The following HYDIN variants were observed in gnomAD, a reference collection of about 807,000 sequenced individuals.
HYDIN encodes the protein axonemal central pair apparatus protein HYDIN.
In HYDIN, 132 loss-of-function variants were observed where a neutral mutation model predicts 403.9. The ratio of observed to expected loss-of-function variants is 0.33; its 90% CI spans 0.28 to 0.38. The LOEUF (loss-of-function observed/expected upper bound fraction) is 0.38, where lower values mean the gene tolerates loss of function less well. Among genes scored for constraint, HYDIN ranks in the 10% least tolerant of loss-of-function variants. HYDIN has a pLI of 1.00. For missense variants in HYDIN, 2,827 were observed against 5,009.5 expected (o/e 0.56, Z 13.15); for synonymous variants, 1,202 against 1,891.7 (o/e 0.64, Z 9.46).
At chr16:71,046,588 A>G (rs2081457075) in intron 18 of HYDIN, among the ~76,000 whole-genome samples, 1 of 152,210 alleles carries the variant, frequency 6.6e-6, no homozygotes, top group African/African-American at 2.4e-5. Flanking sequence ...CATCCTACAA[A>G]GAGTTTTATC....
intron 17 of HYDIN, among the ~76,000 whole-genome samples, chr16:71,061,934 T>C (rs1012283336): frequency 1.3e-5 from 2 of 151,564 alleles, no homozygotes; most frequent in Non-Finnish European, 2.9e-5. Context: ...TGGTATCCTG[T>C]TAGGTTTAAG....
intron 5 of HYDIN, among the ~76,000 whole-genome samples, chr16:71,168,551 T>C (rs1341496741): frequency 6.6e-6 from 1 of 150,758 alleles, no homozygotes; most frequent in Non-Finnish European, 1.5e-5. Context: ...AGTCCAGAGG[T>C]AGGTAGGCCA....
intron 82 of HYDIN, 50 bp downstream of exon 82, chr16:70,828,216 A>G: frequency 1.8e-6 from 1 of 564,510 alleles, no homozygotes. Context: ...CTAGATGGTG[A>G]AAGTCCTCCT....
In HYDIN at chr16:70,908,432, A is replaced by G. The variant is rs935830893; in HGVS notation, c.8216T>C (p.Leu2739Pro). Residue 2739 changes from leucine (L) to proline (P), a missense_variant and splice_region_variant, in exon 49 of 86, where the codon CTG (leucine) becomes CCG (proline). By Grantham distance (98) the Leu-to-Pro change is moderately conservative. Coordinates refer to ENST00000393567, the MANE Select transcript of HYDIN (RefSeq NM_001270974.2). Reference sequence around the variant, plus strand: ...TGGCACGATCCACCGGAAGTGATTCAGTCTGCAAATGACCACACAGGTTTA... The same window carrying G: ...TGGCACGATCCACCGGAAGTGATTCGGTCTGCAAATGACCACACAGGTTTA... ...GQHSQEKFTR[L>P]NHFRWIVPAN... 7 of 1,087,742 alleles carry G rather than the reference A, an allele frequency of 6.4e-6. No homozygotes were observed. The highest frequency in any genetic ancestry group is 9.1e-6 in the Non-Finnish European group (7 of 765,774). The allele number at this position is 1,087,742 out of a possible 1,614,324, so 67.4% of individuals were successfully genotyped here. A position where few individuals can be genotyped will look rare whatever the true frequency, so the allele number is the denominator to read the frequency against.
Position 70,920,816 on chromosome 16 carries a change from G to A in HYDIN, c.7560C>T (p.Arg2520=). 2.6e-6 allele frequency: 4 copies of A among 1,567,490 alleles called. No individual in the cohort carries two copies. Among genetic ancestry groups the A allele is most frequent in the Non-Finnish European group, 3.5e-6 (4 of 1,155,330 alleles). ...DRERERLEKE[R]TEKERLEREK... ...CCCTCTCCAGGCGCTCCTTCTCCGT[G>A]CGCTCCTTCTCCAGGCGCTCTCTCT... Residue 2520 remains arginine, a synonymous_variant, in exon 46 of 86, where the codon CGC becomes CGT. Transcript: ENST00000393567.
At chr16:70,808,945 C>T (rs1045875955) in intron 85 of HYDIN, among the ~76,000 whole-genome samples, 4 of 152,166 alleles carry the variant, frequency 2.6e-5, no homozygotes, top group African/African-American at 7.2e-5. Flanking sequence ...GGCAGAGCAT[C>T]GGGACAGAAG....
chr16:71,108,190 A>G (rs1436694307), intron 10 of HYDIN, among the ~76,000 whole-genome samples: 1 of 152,192 alleles, frequency 6.6e-6, no homozygotes, highest in Admixed American at 6.5e-5. Flanking sequence ...TGAGAGGAGG[A>G]AGAGGATCAG....
At chr16:71,124,448 T>C (rs1398833659) in intron 9 of HYDIN, among the ~76,000 whole-genome samples, 3 of 152,056 alleles carry the variant, frequency 2.0e-5, no homozygotes, top group Admixed American at 6.5e-5. Flanking sequence ...TCTCTTGATC[T>C]TGAATCTCCT....
At chr16:71,212,001 G>A (rs545022070) in intron 1 of HYDIN, among the ~76,000 whole-genome samples, 25 of 152,156 alleles carry the variant, frequency 1.6e-4, no homozygotes, top group African/African-American at 5.8e-4. Flanking sequence ...TCAATGTGCT[G>A]AAAAACAAAA....
rs547639554 is a variant in HYDIN at position 70,862,176 on chromosome 16, G to C, written c.11649C>G (p.Ala3883=). The change falls in exon 69 of 86, where the codon GCC becomes GCG. Residue 3883 remains alanine, a synonymous_variant. Coordinates refer to ENST00000393567, the MANE Select transcript of HYDIN (RefSeq NM_001270974.2). ...CAGAGAAGGGCTGTGGGGAACCCTC[G>C]GCCCAGTGGTCCATGGTGCTGTCCA... The part of the protein sequence containing the change: ...STLDSTMDHW[A]EGSPQPFSVE... The C allele has an allele frequency of 3.1e-6, 5 of 1,613,138 alleles. No homozygotes were observed. Among genetic ancestry groups the C allele is most frequent in the African/African-American group, 1.3e-5 (1 of 75,018 alleles).
chr16:70,977,627 A>G (rs1166577560), intron 30 of HYDIN, among the ~76,000 whole-genome samples: 1 of 132,550 alleles, frequency 7.5e-6, no homozygotes, highest in Non-Finnish European at 1.6e-5. Context: ...CAATATTCGC[A>G]TGCACATTTG....
rs1597484409 is a variant in HYDIN at position 70,991,243 on chromosome 16, T to C, written c.3864+75A>G. 1.9e-6 allele frequency: 3 copies of C among 1,595,806 alleles called. No homozygotes were observed. In the East Asian group the frequency reaches 6.8e-5, roughly 36 times the overall value. ...AACCCAAGCATTGTACTGGCCACTC[T>C]GCTCCTGATTCTGCCTTTGTTTTAT... On this transcript the variant is annotated intron_variant, in intron 25 of 85. Transcript: ENST00000393567.
rs116730273 is a variant in HYDIN at position 70,807,800 on chromosome 16, A to C, written c.15146T>G (p.Met5049Arg). Residue 5049 changes from methionine (M) to arginine (R), a missense_variant, in exon 86 of 86, where the codon ATG becomes AGG. Transcript: ENST00000393567. Reference sequence around the variant, plus strand: ...ATCCACGATGATGGAGAAGGTCACCATGTGATAGAAGACATTCTTGAAGGG... The same window carrying C: ...ATCCACGATGATGGAGAAGGTCACCCTGTGATAGAAGACATTCTTGAAGGG... ...IIPFKNVFYH[M>R]VTFSIIVDNP... The C allele has an allele frequency of 6.2e-7, 1 of 1,614,206 alleles. No homozygotes were observed. Among genetic ancestry groups the C allele is most frequent in the East Asian group, 2.2e-5 (1 of 44,882 alleles).
At chr16:71,035,529 ACAAT>A (rs2081056585) in intron 18 of HYDIN, among the ~76,000 whole-genome samples, 1 of 136,932 alleles carries the variant, frequency 7.3e-6, no homozygotes. Context: ...GTTGGCATAC[ACAAT>A]CAAAGCAATA....
chr16:70,855,968 T>A (rs2038998051), intron 72 of HYDIN, among the ~76,000 whole-genome samples: 1 of 152,008 alleles, frequency 6.6e-6, no homozygotes, highest in Non-Finnish European at 1.5e-5. Context: ...CAACCCTAGT[T>A]GGGATTCTAA....
At chr16:71,229,451 T>C (rs1458609624) in intron 1 of HYDIN, among the ~76,000 whole-genome samples, 1 of 152,258 alleles carries the variant, frequency 6.6e-6, no homozygotes, top group Non-Finnish European at 1.5e-5. Context: ...TACAAATACC[T>C]GTATGGGAAT....
chr16:70,914,505 T>C (rs947733505), intron 47 of HYDIN, among the ~76,000 whole-genome samples: 4 of 145,120 alleles, frequency 2.8e-5, no homozygotes, highest in Non-Finnish European at 4.5e-5. Context: ...CTGAGAAATC[T>C]GCTGTTAATC....
At chr16:70,836,813 C>T (rs532329922) in intron 77 of HYDIN, among the ~76,000 whole-genome samples, 1 of 152,224 alleles carries the variant, frequency 6.6e-6, no homozygotes, top group Non-Finnish European at 1.5e-5. Context: ...GTCACTTGTG[C>T]ATCTTCCCAA....
Position 70,809,800 on chromosome 16 carries a change from T to C in HYDIN, c.14866A>G (p.Thr4956Ala), listed in dbSNP as rs2035345816. The C allele has an allele frequency of 6.2e-7, 1 of 1,613,642 alleles. No individual in the cohort carries two copies. The highest frequency in any genetic ancestry group is 8.5e-7 in the Non-Finnish European group (1 of 1,179,676). Residue 4956 changes from threonine (T) to alanine (A), a missense_variant, in exon 85 of 86, where the codon ACA becomes GCA. Physicochemically the swap from Thr to Ala is moderately conservative, Grantham distance 58. Coordinates refer to ENST00000393567, the MANE Select transcript of HYDIN (RefSeq NM_001270974.2). ...VKFINYTRQR[T>A]EYYCRTDCTD... ...CCACTCACCCTGCAGTAGTATTCTG[T>C]CCTCTGCCGTGTGTAATTGATGAAC...
Sources: gnomAD v4.1 joint callset for allele counts (sites outside exome capture counted in the v4.1 genomes callset) on GRCh38, gnomAD v4.1.1 for gene constraint, MANE v1.5 for transcripts, NCBI Gene and HGNC (gene_info 2026-07-23, HGNC 2026-07-21) for gene names.